The following HCN1 variants were observed in gnomAD, a reference collection of about 807,000 sequenced individuals.
HCN1 encodes the protein hyperpolarization activated cyclic nucleotide gated potassium channel 1.
In HCN1, 13 loss-of-function variants were observed where a neutral mutation model predicts 78.9. The ratio of observed to expected loss-of-function variants is 0.16; its 90% CI spans 0.11 to 0.26. The LOEUF (loss-of-function observed/expected upper bound fraction) is 0.26, where lower values mean the gene tolerates loss of function less well. Ranked by LOEUF, HCN1 falls within the 10% of genes least tolerant of loss-of-function variation. HCN1 has a pLI of 1.00. For missense variants in HCN1, 810 were observed against 1,154.3 expected, an observed-to-expected ratio of 0.70 and a Z score of 4.32; for synonymous variants, 552 against 455.5, an observed-to-expected ratio of 1.21 and a Z score of -2.70.
intron 5 of HCN1, among the ~76,000 whole-genome samples, chr5:45,312,758 C>T (rs1245154938): frequency 3.3e-5 from 5 of 152,224 alleles, no homozygotes; most frequent in African/African-American, 1.2e-4. Flanking sequence ...CCCACAGAGC[C>T]TTGCTCATTG....
intron 1 of HCN1, among the ~76,000 whole-genome samples, chr5:45,666,316 A>G (rs1216915951): frequency 6.6e-6 from 1 of 152,080 alleles, no homozygotes; most frequent in East Asian, 1.9e-4. Flanking sequence ...AGTCAATGAA[A>G]CATAGCAATG....
chr5:45,498,649 A>G (rs994123661), intron 2 of HCN1, among the ~76,000 whole-genome samples: 3 of 152,034 alleles, frequency 2.0e-5, no homozygotes, highest in Non-Finnish European at 4.4e-5. Context: ...CCTTTGGAGG[A>G]GGAGAGGTGC....
intron 3 of HCN1, among the ~76,000 whole-genome samples, chr5:45,451,614 A>T (rs1254143883): frequency 6.6e-6 from 1 of 152,058 alleles, no homozygotes; most frequent in African/African-American, 2.4e-5. Flanking sequence ...CCCACCATGG[A>T]AATGATACCT....
intron 2 of HCN1, among the ~76,000 whole-genome samples, chr5:45,487,758 A>G (rs1298652772): frequency 1.3e-5 from 2 of 152,128 alleles, no homozygotes; most frequent in African/African-American, 4.8e-5. Context: ...GTAGTATGTT[A>G]CACACAACAA....
intron 4 of HCN1, among the ~76,000 whole-genome samples, chr5:45,391,658 C>G (rs2112035494): frequency 6.6e-6 from 1 of 152,176 alleles, no homozygotes; most frequent in South Asian, 2.1e-4. Flanking sequence ...CCATGATTAG[C>G]CCAAGACTAA....
chr5:45,661,497 A>G (rs1745935952), intron 1 of HCN1, among the ~76,000 whole-genome samples: 1 of 98,562 alleles, frequency 1.0e-5, no homozygotes, highest in South Asian at 4.2e-4. Context: ...AACCCTTCAA[A>G]AAATCAATGA....
intron 2 of HCN1, among the ~76,000 whole-genome samples, chr5:45,534,404 C>CAAAAAAAAAAAAAAAAAAAAAAAAAAA (rs71000637): frequency 6.8e-5 from 2 of 29,316 alleles, no homozygotes; most frequent in South Asian, 2.3e-3. Context: ...GACTGCATCT[C>CAAAAAAAAAAAAAAAAAAAAAAAAAAA]AAAAAAAAAA....
intron 2 of HCN1, among the ~76,000 whole-genome samples, chr5:45,510,565 G>T (rs890531288): frequency 6.6e-6 from 1 of 152,004 alleles, no homozygotes; most frequent in Non-Finnish European, 1.5e-5. Context: ...AATTAGGCTG[G>T]AGTGTAATTT....
chr5:45,547,801 T>C (rs1743259734), intron 2 of HCN1, among the ~76,000 whole-genome samples: 1 of 151,930 alleles, frequency 6.6e-6, no homozygotes, highest in Admixed American at 6.6e-5. Context: ...AATGCTATAA[T>C]GGATAGGTCA....
At position 45,278,251 on chromosome 5, in the gene HCN1, T is replaced by C. The variant is rs141339144; in HGVS notation, c.1619-10998A>G. ...CACTCGATAGATTACAATGAGTTCT[T>C]CAAGTTCAGTATGTGAGTAGCCACA... On this transcript the variant is annotated intron_variant, in intron 6 of 7. Coordinates refer to ENST00000303230, the MANE Select transcript of HCN1 (RefSeq NM_021072.4). Among the ~76,000 whole-genome samples, 1,235 of 152,212 alleles carry C rather than the reference T, an allele frequency of 8.1e-3. 62 individuals carry two copies. Among genetic ancestry groups the C allele is most frequent in the Admixed American group, 0.064 (984 of 15,256 alleles).
chr5:45,305,895 G>A (rs989888113), intron 5 of HCN1, among the ~76,000 whole-genome samples: 5 of 151,562 alleles, frequency 3.3e-5, no homozygotes, highest in Non-Finnish European at 7.4e-5. Flanking sequence ...GGAAGGTGGA[G>A]TCTCAGTTGT....
chr5:45,364,207 C>A (rs1197756409), intron 4 of HCN1, among the ~76,000 whole-genome samples: 1 of 152,096 alleles, frequency 6.6e-6, no homozygotes, highest in Non-Finnish European at 1.5e-5. Flanking sequence ...TGCCCAAGGC[C>A]GCCTTTTCTT....
intron 2 of HCN1, among the ~76,000 whole-genome samples, chr5:45,520,453 C>A (rs1579945761): frequency 1.3e-5 from 2 of 151,948 alleles, no homozygotes; most frequent in African/African-American, 4.8e-5. Context: ...TCTTATTTAG[C>A]CTTCCCATTG....
chr5:45,614,999 G>A (rs1484544293), intron 2 of HCN1, among the ~76,000 whole-genome samples: 2 of 149,620 alleles, frequency 1.3e-5, no homozygotes, highest in Non-Finnish European at 1.5e-5. Flanking sequence ...ATTCAACTTC[G>A]TTAATTTGTT....
chr5:45,308,442 T>C (rs1004466156), intron 5 of HCN1, among the ~76,000 whole-genome samples: 3 of 152,136 alleles, frequency 2.0e-5, no homozygotes, highest in African/African-American at 7.2e-5. Flanking sequence ...TGTCATAGCA[T>C]GTAAAGCATA....
intron 1 of HCN1, among the ~76,000 whole-genome samples, chr5:45,673,661 T>C (rs759111539): frequency 4.1e-4 from 62 of 151,702 alleles, no homozygotes; most frequent in Non-Finnish European, 7.7e-4. Context: ...TCTTTGCTTA[T>C]ATCAGTATCA....
chr5:45,639,216 A>T (rs1044657309), intron 2 of HCN1, among the ~76,000 whole-genome samples: 1 of 152,192 alleles, frequency 6.6e-6, no homozygotes, highest in Non-Finnish European at 1.5e-5. Flanking sequence ...ATTTTAAAAG[A>T]TAGAACCTTA....
In HCN1 at chr5:45,521,580, A is replaced by C. The variant is rs567261559; in HGVS notation, c.850-59573T>G. On this transcript the variant is annotated intron_variant, in intron 2 of 7. Transcript: ENST00000303230. ...CTTTGTGTCCAAATCAAATGCTTTT[A>C]TTAGGATACCAGTCATGCTGGATTA... 3.9e-5 allele frequency among the ~76,000 whole-genome samples: 6 copies of C among 151,982 alleles called. No homozygotes were observed. In the East Asian group the frequency reaches 1.2e-3, roughly 30 times the overall value.
chr5:45,294,293 A>T (rs530129322), intron 6 of HCN1, among the ~76,000 whole-genome samples: 87 of 152,116 alleles, frequency 5.7e-4, no homozygotes, highest in African/African-American at 1.9e-3. Context: ...GCCCAAATGT[A>T]TTTTGGTCAT....
Sources: gnomAD v4.1 joint callset for allele counts (sites outside exome capture counted in the v4.1 genomes callset) on GRCh38, gnomAD v4.1.1 for gene constraint, MANE v1.5 for transcripts, NCBI Gene and HGNC (gene_info 2026-07-23, HGNC 2026-07-21) for gene names.